The following GPC6 variants were observed in gnomAD, a reference collection of about 807,000 sequenced individuals.
GPC6 encodes the protein glypican 6, also known as glypican-6.
A neutral mutation model predicts 55.2 loss-of-function variants in GPC6; 14 were observed. The observed-to-expected ratio is 0.25, with a 90% CI of 0.17 to 0.40. The LOEUF is 0.40. GPC6 is among the 10% of genes least tolerant of loss of function. The probability of loss-of-function intolerance (pLI) is 1.00; values close to 1 mark genes in which losing one functional copy is unlikely to be tolerated. For missense variants in GPC6, 641 were observed against 708.5 expected, an observed-to-expected ratio of 0.90 and a Z score of 1.08; for synonymous variants, 278 against 259.6, an observed-to-expected ratio of 1.07 and a Z score of -0.68.
At chr13:94,163,892 C>G (rs9805690) in intron 4 of GPC6, among the ~76,000 whole-genome samples, 7,955 of 152,176 alleles carry the variant, frequency 0.052, 475 homozygotes, top group East Asian at 0.28. Flanking sequence ...CAATCAGATA[C>G]AGTATAGATG....
At chr13:93,565,922 AAAAC>A (rs1018370783) in intron 2 of GPC6, among the ~76,000 whole-genome samples, 3 of 125,932 alleles carry the variant, frequency 2.4e-5, no homozygotes, top group African/African-American at 9.4e-5. Context: ...ACTCTGTCTC[AAAAC>A]AAACAAACAA....
At chr13:93,929,741 T>TA (rs925994979) in intron 3 of GPC6, among the ~76,000 whole-genome samples, 44 of 146,054 alleles carry the variant, frequency 3.0e-4, no homozygotes, top group Middle Eastern at 3.6e-3. Context: ...TTAAACAAAG[T>TA]AAAAAAAAAC....
At chr13:94,103,076 C>A (rs548478480) in intron 4 of GPC6, among the ~76,000 whole-genome samples, 1 of 152,246 alleles carries the variant, frequency 6.6e-6, no homozygotes, top group African/African-American at 2.4e-5. Flanking sequence ...GTGATGTTCC[C>A]CTCCCTGTGT....
intron 1 of GPC6, among the ~76,000 whole-genome samples, chr13:93,408,680 A>AG (rs1395991209): frequency 2.0e-5 from 3 of 152,176 alleles, no homozygotes; most frequent in African/African-American, 7.2e-5. Flanking sequence ...ACTTTCCCTT[A>AG]GGAATCTTGG....
intron 3 of GPC6, among the ~76,000 whole-genome samples, chr13:93,969,046 A>G (rs1880171285): frequency 6.6e-6 from 1 of 152,172 alleles, no homozygotes; most frequent in Non-Finnish European, 1.5e-5. Flanking sequence ...GGATGCCTTG[A>G]TGCTAAACAT....
At chr13:93,765,490 T>TAAA (rs76532028) in intron 2 of GPC6, among the ~76,000 whole-genome samples, 4 of 146,490 alleles carry the variant, frequency 2.7e-5, no homozygotes, top group African/African-American at 7.5e-5. Context: ...TAAACTTTTT[T>TAAA]AAAAAAAATG....
intron 3 of GPC6, among the ~76,000 whole-genome samples, chr13:94,019,037 T>A (rs908021764): frequency 8.5e-5 from 13 of 152,172 alleles, no homozygotes; most frequent in Non-Finnish European, 1.3e-4. Context: ...CCTTATTATG[T>A]CTTTGTCTGG....
Position 93,596,673 on chromosome 13 carries a change from CACTTATATAAGTGTGTATAT to C in GPC6, c.319+51254_319+51273del, listed in dbSNP as rs1408308716. Among the ~76,000 whole-genome samples the C allele has an allele frequency of 1.5e-3, 211 of 145,198 alleles. 2 individuals are homozygous for C. The highest frequency in any genetic ancestry group is 4.9e-3 in the African/African-American group (196 of 39,838). On this transcript the variant is annotated intron_variant, in intron 2 of 8. Transcript: ENST00000377047. ...GTATATGCATATATAAGTGTGTATA[CACTTATATAAGTGTGTATAT>C]AAGTATATATAAGTGTGTATACACA...
At chr13:93,707,607 T>C (rs1158670797) in intron 2 of GPC6, among the ~76,000 whole-genome samples, 2 of 151,742 alleles carry the variant, frequency 1.3e-5, no homozygotes, top group Admixed American at 1.3e-4. Context: ...CAGGATAAGA[T>C]TGCTATGCAT....
chr13:94,159,961 A>G (rs567920151), intron 4 of GPC6, among the ~76,000 whole-genome samples: 1 of 152,168 alleles, frequency 6.6e-6, no homozygotes, highest in African/African-American at 2.4e-5. Flanking sequence ...TTGGTGCTTT[A>G]TGACAGTTTA....
chr13:93,724,585 G>A (rs755206922), intron 2 of GPC6, among the ~76,000 whole-genome samples: 6 of 151,922 alleles, frequency 3.9e-5, no homozygotes, highest in Non-Finnish European at 5.9e-5. Flanking sequence ...ATCAATTTCT[G>A]TTATCACCAG....
At chr13:93,494,067 C>G in intron 1 of GPC6, among the ~76,000 whole-genome samples, 1 of 125,406 alleles carries the variant, frequency 8.0e-6, no homozygotes, top group Non-Finnish European at 1.7e-5. Context: ...AGTTCAATTC[C>G]TGGGTATCCT....
intron 2 of GPC6, among the ~76,000 whole-genome samples, chr13:93,703,386 T>A (rs1186215106): frequency 1.3e-5 from 2 of 151,856 alleles, no homozygotes; most frequent in East Asian, 3.9e-4. Flanking sequence ...ATTATAAAAG[T>A]TTGGAATATT....
At chr13:93,418,815 A>G (rs966323612) in intron 1 of GPC6, among the ~76,000 whole-genome samples, 1 of 149,964 alleles carries the variant, frequency 6.7e-6, no homozygotes, top group Admixed American at 6.6e-5. Flanking sequence ...GCACTATACC[A>G]TAGCATCACT....
intron 1 of GPC6, among the ~76,000 whole-genome samples, chr13:93,427,491 G>A (rs955382442): frequency 2.0e-5 from 3 of 151,904 alleles, no homozygotes; most frequent in Non-Finnish European, 4.4e-5. Flanking sequence ...AGAAAAACAA[G>A]CAATGGGGAA....
chr13:93,583,474 A>T (rs7994114), intron 2 of GPC6, among the ~76,000 whole-genome samples: 5,973 of 151,902 alleles, frequency 0.039, 389 homozygotes, highest in African/African-American at 0.14. Context: ...GCTGGAGTGC[A>T]GTGGCGCGAT....
At chr13:94,384,801 T>C (rs1354363209) in intron 7 of GPC6, among the ~76,000 whole-genome samples, 1 of 152,176 alleles carries the variant, frequency 6.6e-6, no homozygotes, top group Non-Finnish European at 1.5e-5. Context: ...CCCTACCTCT[T>C]AAGCAAACAA....
At chr13:93,949,072 G>T (rs1178332909) in intron 3 of GPC6, among the ~76,000 whole-genome samples, 1 of 152,040 alleles carries the variant, frequency 6.6e-6, no homozygotes, top group Non-Finnish European at 1.5e-5. Context: ...CCAACTTTGG[G>T]GGTCTTCTGC....
At chr13:94,019,861 A>G (rs953549047) in intron 3 of GPC6, among the ~76,000 whole-genome samples, 7 of 152,112 alleles carry the variant, frequency 4.6e-5, no homozygotes, top group Non-Finnish European at 1.0e-4. Flanking sequence ...GATTGAGAGT[A>G]ATGTTCCTTC....
Sources: gnomAD v4.1 joint callset for allele counts (sites outside exome capture counted in the v4.1 genomes callset) on GRCh38, gnomAD v4.1.1 for gene constraint, MANE v1.5 for transcripts, NCBI Gene and HGNC (gene_info 2026-07-23, HGNC 2026-07-21) for gene names.